The following ADGRL3 variants were observed in gnomAD, a reference collection of about 807,000 sequenced individuals.
The protein encoded by ADGRL3 is calcium-independent alpha-latrotoxin receptor 3.
In ADGRL3, 62 loss-of-function variants were observed where a neutral mutation model predicts 153.5. The observed-to-expected ratio is 0.40, with a 90% CI of 0.33 to 0.50. The LOEUF is 0.50. Among genes scored for constraint, ADGRL3 ranks in the 20% least tolerant of loss-of-function variants. The pLI is 0.47. For missense variants in ADGRL3, 1,641 were observed against 1,859.4 expected (o/e 0.88, Z 2.16); for synonymous variants, 710 against 672.5 (o/e 1.06, Z -0.86).
intron 1 of ADGRL3, among the ~76,000 whole-genome samples, chr4:61,229,716 C>A (rs979076312): frequency 9.9e-5 from 15 of 151,902 alleles, no homozygotes; most frequent in Non-Finnish European, 1.8e-4. Flanking sequence ...CCAGCCTGGG[C>A]AACACAGCAA....
At chr4:61,369,130 C>T (rs1257538981) in intron 1 of ADGRL3, among the ~76,000 whole-genome samples, 2 of 152,138 alleles carry the variant, frequency 1.3e-5, no homozygotes, top group African/African-American at 4.8e-5. Context: ...AGATTTTGGG[C>T]TGAGACAATG....
intron 4 of ADGRL3, among the ~76,000 whole-genome samples, chr4:61,551,772 TA>T: frequency 6.6e-6 from 1 of 152,244 alleles, no homozygotes; most frequent in Middle Eastern, 3.4e-3. Flanking sequence ...GAGGAGTAAA[TA>T]AAACCTCAGG....
rs192950345 is a variant in ADGRL3 at position 61,974,894 on chromosome 4, G to A, written c.2806-4669G>A. Among the ~76,000 whole-genome samples, 8 of 152,254 alleles carry A rather than the reference G, an allele frequency of 5.3e-5. No homozygotes were observed. The East Asian group carries it at 1.5e-3, about 29-fold the overall frequency. On this transcript the variant is annotated intron_variant, in intron 17 of 26. Coordinates refer to ENST00000683033, the MANE Select transcript of ADGRL3 (RefSeq NM_001387552.1). ...CAACATTTTAGAGCTGATGATTTAAGAGGAAGAGTCCCAAGGACTGTTTAG... is the reference window on the plus strand; with the variant it reads ...CAACATTTTAGAGCTGATGATTTAAAAGGAAGAGTCCCAAGGACTGTTTAG...
intron 5 of ADGRL3, among the ~76,000 whole-genome samples, chr4:61,602,300 C>T (rs866105525): frequency 6.6e-6 from 1 of 152,234 alleles, no homozygotes; most frequent in South Asian, 2.1e-4. Context: ...ATCAGCTTGA[C>T]ATCATATCCC....
At chr4:61,258,746 C>G (rs1003715601) in intron 1 of ADGRL3, among the ~76,000 whole-genome samples, 9 of 152,124 alleles carry the variant, frequency 5.9e-5, no homozygotes, top group Non-Finnish European at 1.2e-4. Flanking sequence ...TTTGTAGCCC[C>G]TAGAACTATA....
chr4:61,450,001 T>C (rs2097654284), intron 2 of ADGRL3, among the ~76,000 whole-genome samples: 1 of 152,200 alleles, frequency 6.6e-6, no homozygotes, highest in Non-Finnish European at 1.5e-5. Flanking sequence ...TGACTTATTT[T>C]GAGTTTTGTT....
At chr4:62,032,390 C>A (rs551368031) in intron 23 of ADGRL3, among the ~76,000 whole-genome samples, 1 of 151,418 alleles carries the variant, frequency 6.6e-6, no homozygotes. Flanking sequence ...AAAATGTGAT[C>A]TCGATAGGTC....
chr4:61,263,871 C>T (rs1239333857), intron 1 of ADGRL3, among the ~76,000 whole-genome samples: 1 of 151,452 alleles, frequency 6.6e-6, no homozygotes, highest in Non-Finnish European at 1.5e-5. Flanking sequence ...ATAAAATAGG[C>T]TATGTTTATT....
chr4:61,535,280 G>T (rs2098648570), intron 4 of ADGRL3, among the ~76,000 whole-genome samples: 1 of 151,960 alleles, frequency 6.6e-6, no homozygotes, highest in Admixed American at 6.5e-5. Flanking sequence ...TTGCATCCTT[G>T]GAATAAGACC....
In ADGRL3 at chr4:62,004,101, A is replaced by G. The variant is rs368006527; in HGVS notation, c.3395+5836A>G. ...CATTCAGCTTGATGAGTATTATATT[A>G]GTATTTTGTGGTTGAGGTCTATAAA... On this transcript the variant is annotated intron_variant, in intron 21 of 26. Coordinates refer to ENST00000683033, the MANE Select transcript of ADGRL3 (RefSeq NM_001387552.1). 6.6e-5 allele frequency among the ~76,000 whole-genome samples: 10 copies of G among 152,252 alleles called. No individual in the cohort carries two copies. The East Asian group carries it at 1.9e-3, about 29-fold the overall frequency.
intron 8 of ADGRL3, among the ~76,000 whole-genome samples, chr4:61,735,315 T>C (rs1175461971): frequency 6.6e-6 from 1 of 152,230 alleles, no homozygotes; most frequent in African/African-American, 2.4e-5. Flanking sequence ...AGCACTTGTT[T>C]CCACAATCAG....
At chr4:61,798,405 T>G (rs2097441372) in intron 8 of ADGRL3, among the ~76,000 whole-genome samples, 1 of 152,140 alleles carries the variant, frequency 6.6e-6, no homozygotes, top group Non-Finnish European at 1.5e-5. Context: ...GTGTCTACAT[T>G]TACATACACA....
At chr4:61,990,361 G>T (rs765558024) in intron 19 of ADGRL3, among the ~76,000 whole-genome samples, 5 of 151,938 alleles carry the variant, frequency 3.3e-5, no homozygotes, top group Admixed American at 6.6e-5. Flanking sequence ...AAATATAGTG[G>T]TTGCTAAGAT....
chr4:61,846,371 G>T (rs1208671365), intron 9 of ADGRL3, among the ~76,000 whole-genome samples: 1 of 151,572 alleles, frequency 6.6e-6, no homozygotes, highest in Admixed American at 6.6e-5. Context: ...ACATATTCAT[G>T]TAGAACATAC....
intron 5 of ADGRL3, among the ~76,000 whole-genome samples, chr4:61,651,456 T>A (rs926306364): frequency 6.6e-6 from 1 of 152,150 alleles, no homozygotes; most frequent in Non-Finnish European, 1.5e-5. Context: ...GCATCCTTAG[T>A]TTTGAAAATA....
intron 5 of ADGRL3, among the ~76,000 whole-genome samples, chr4:61,621,815 A>C (rs188356482): frequency 6.6e-6 from 1 of 152,302 alleles, no homozygotes; most frequent in East Asian, 1.9e-4. Context: ...TGAAATTTAA[A>C]ATTAAAGAAG....
At chr4:61,491,876 C>T (rs925682379) in intron 2 of ADGRL3, among the ~76,000 whole-genome samples, 1 of 151,958 alleles carries the variant, frequency 6.6e-6, no homozygotes, top group African/African-American at 2.4e-5. Context: ...GATTTTTAAA[C>T]CAAAATGGTT....
At chr4:61,551,723 A>G (rs940079237) in intron 4 of ADGRL3, among the ~76,000 whole-genome samples, 1 of 152,182 alleles carries the variant, frequency 6.6e-6, no homozygotes, top group Non-Finnish European at 1.5e-5. Context: ...CATAGTCACA[A>G]CTGAATTTCT....
intron 1 of ADGRL3, among the ~76,000 whole-genome samples, chr4:61,273,388 T>C (rs1232474466): frequency 6.6e-6 from 1 of 152,168 alleles, no homozygotes; most frequent in East Asian, 1.9e-4. Flanking sequence ...AAATTTGGTC[T>C]ACTCAGTGTG....
Sources: gnomAD v4.1 joint callset for allele counts (sites outside exome capture counted in the v4.1 genomes callset) on GRCh38, gnomAD v4.1.1 for gene constraint, MANE v1.5 for transcripts, NCBI Gene and HGNC (gene_info 2026-07-23, HGNC 2026-07-21) for gene names.